Variants in TMEM178A observed in about 807,000 individuals in gnomAD.
The protein encoded by TMEM178A is transmembrane protein 178.
A neutral mutation model predicts 29.1 loss-of-function variants in TMEM178A; 12 were observed. The ratio of observed to expected loss-of-function variants is 0.41; its 90% CI spans 0.26 to 0.67. TMEM178A has a LOEUF of 0.67. Among genes scored for constraint, TMEM178A ranks in the 30% least tolerant of loss-of-function variants. The probability of loss-of-function intolerance (pLI) is 0.29; values close to 1 mark genes in which losing one functional copy is unlikely to be tolerated. For missense variants in TMEM178A, 366 were observed against 419.1 expected (o/e 0.87, Z 1.11); for synonymous variants, 210 against 187.2 (o/e 1.12, Z -0.99).
intron 1 of TMEM178A, among the ~76,000 whole-genome samples, chr2:39,681,070 A>G (rs999504439): frequency 2.0e-5 from 3 of 152,158 alleles, no homozygotes; most frequent in South Asian, 2.1e-4. Context: ...AATTTTATTC[A>G]AAGCCCTACT....
At chr2:39,730,644 G>A in the TMEM178A span, among the ~76,000 whole-genome samples, 1 of 152,122 alleles carries the variant, frequency 6.6e-6, no homozygotes, top group Non-Finnish European at 1.5e-5. Flanking sequence ...TAACGTAACT[G>A]ATCTTTCCAT....
chr2:39,699,904 A>T (rs1671707065), intron 1 of TMEM178A, among the ~76,000 whole-genome samples: 1 of 152,122 alleles, frequency 6.6e-6, no homozygotes, highest in African/African-American at 2.4e-5. Context: ...TCTTTGCCTT[A>T]TCGGTTATTT....
At chr2:39,690,874 C>A (rs1368655328) in intron 1 of TMEM178A, among the ~76,000 whole-genome samples, 1 of 152,102 alleles carries the variant, frequency 6.6e-6, no homozygotes, top group Non-Finnish European at 1.5e-5. Flanking sequence ...ATGATAAGTT[C>A]AGTAGAGATA....
chr2:39,684,543 G>T (rs1006656975), intron 1 of TMEM178A, among the ~76,000 whole-genome samples: 1 of 152,138 alleles, frequency 6.6e-6, no homozygotes, highest in Non-Finnish European at 1.5e-5. Flanking sequence ...GTATTTTAAT[G>T]TGTGGATGCA....
At chr2:39,669,948 G>T (rs191624732) in intron 1 of TMEM178A, among the ~76,000 whole-genome samples, 5 of 152,296 alleles carry the variant, frequency 3.3e-5, no homozygotes, top group African/African-American at 1.2e-4. Context: ...AACATGTGGG[G>T]GTTCTTTTGT....
chr2:39,670,209 T>C (rs758541238), intron 1 of TMEM178A, among the ~76,000 whole-genome samples: 3 of 152,160 alleles, frequency 2.0e-5, no homozygotes, highest in Non-Finnish European at 4.4e-5. Flanking sequence ...AAGAAGTCTT[T>C]AGGTGTAAAA....
chr2:39,665,673 G>C (rs578017441), upstream of TMEM178A: 184 of 301,034 alleles, frequency 6.1e-4, no homozygotes, highest in Middle Eastern at 1.8e-3. Flanking sequence ...TGCGCGGGGT[G>C]GGGGGCGCCG....
intron 3 of TMEM178A, among the ~76,000 whole-genome samples, chr2:39,711,650 T>A (rs1462272735): frequency 6.6e-6 from 1 of 152,148 alleles, no homozygotes; most frequent in Admixed American, 6.5e-5. Flanking sequence ...GAATCCAAAT[T>A]TTTTTTAAAA....
At chr2:39,732,443 C>T in the TMEM178A span, among the ~76,000 whole-genome samples, 4 of 152,108 alleles carry the variant, frequency 2.6e-5, no homozygotes, top group African/African-American at 9.7e-5. Context: ...ATATACCGCT[C>T]CCATCTGATG....
chr2:39,734,138 T>C, the TMEM178A span, among the ~76,000 whole-genome samples: 1 of 152,174 alleles, frequency 6.6e-6, no homozygotes, highest in African/African-American at 2.4e-5. Flanking sequence ...TCCAGCTCTT[T>C]TCCTATTTTT....
intron 3 of TMEM178A, among the ~76,000 whole-genome samples, chr2:39,711,202 C>T (rs557217526): frequency 1.3e-5 from 2 of 152,352 alleles, no homozygotes; most frequent in African/African-American, 2.4e-5. Flanking sequence ...AGCTTCTGCC[C>T]ATTACTAGAC....
intron 1 of TMEM178A, among the ~76,000 whole-genome samples, chr2:39,697,411 AC>A (rs2148089420): frequency 6.6e-6 from 1 of 152,352 alleles, no homozygotes; most frequent in Non-Finnish European, 1.5e-5. Flanking sequence ...GGTCTCTGAC[AC>A]TGCTGGTGAG....
At chr2:39,715,190 T>TA (rs1197991515) in intron 3 of TMEM178A, among the ~76,000 whole-genome samples, 9 of 152,228 alleles carry the variant, frequency 5.9e-5, no homozygotes, top group African/African-American at 2.2e-4. Flanking sequence ...AAAACAATGT[T>TA]ACTTGTAAAA....
At chr2:39,683,114 A>G (rs1558448092) in intron 1 of TMEM178A, among the ~76,000 whole-genome samples, 1 of 152,142 alleles carries the variant, frequency 6.6e-6, no homozygotes. Flanking sequence ...TTGGTTATTC[A>G]TTTTCTCTGT....
chr2:39,708,824 T>C (rs904590932), intron 3 of TMEM178A, among the ~76,000 whole-genome samples: 3 of 152,096 alleles, frequency 2.0e-5, no homozygotes, highest in African/African-American at 7.2e-5. Flanking sequence ...AGGTGCTGAG[T>C]TGATGGCTAA....
chr2:39,720,262 T>C (rs879226203), downstream of TMEM178A, among the ~76,000 whole-genome samples: 11 of 152,290 alleles, frequency 7.2e-5, no homozygotes, highest in Admixed American at 2.0e-4. Context: ...TTATTCGAAA[T>C]TGAAGTCTGA....
intron 1 of TMEM178A, among the ~76,000 whole-genome samples, chr2:39,693,490 G>T (rs1572671962): frequency 6.6e-6 from 1 of 152,198 alleles, no homozygotes; most frequent in Non-Finnish European, 1.5e-5. Flanking sequence ...CGGGAACAAG[G>T]CACTGGATGG....
chr2:39,712,095 C>G (rs540380316), intron 3 of TMEM178A, among the ~76,000 whole-genome samples: 78 of 126,322 alleles, frequency 6.2e-4, no homozygotes, highest in African/African-American at 1.9e-3. Flanking sequence ...TTCTTTCTCT[C>G]TATTAGTTCT....
At chr2:39,716,478 A>G (rs1216011496) in intron 3 of TMEM178A, among the ~76,000 whole-genome samples, 1 of 152,350 alleles carries the variant, frequency 6.6e-6, no homozygotes, top group East Asian at 1.9e-4. Flanking sequence ...CCTTAACAAA[A>G]AAGATTTAGC....
Sources: allele counts gnomAD v4.1 joint callset (sites outside exome capture counted in the v4.1 genomes callset), GRCh38; gene constraint gnomAD v4.1.1; transcripts MANE v1.5; gene names NCBI Gene and HGNC (gene_info 2026-07-23, HGNC 2026-07-21).